The following EPRS1 variants were observed in gnomAD, a reference collection of about 807,000 sequenced individuals.
The protein encoded by EPRS1 is bifunctional glutamate/proline--tRNA ligase.
A neutral mutation model predicts 188.3 loss-of-function variants in EPRS1; 107 were observed. The observed-to-expected ratio is 0.57, with a 90% confidence interval of 0.49 to 0.67. EPRS1 has a LOEUF of 0.67. Among genes scored for constraint, EPRS1 ranks in the 30% least tolerant of loss-of-function variants. The pLI is 0.00. For missense variants in EPRS1, 1,577 were observed against 1,802.2 expected (o/e 0.88, Z 2.26); for synonymous variants, 596 against 593.1 (o/e 1.00, Z -0.07).
At chr1:219,976,797 TGGA>T (rs1660790584) in intron 28 of EPRS1, among the ~76,000 whole-genome samples, 1 of 152,156 alleles carries the variant, frequency 6.6e-6, no homozygotes, top group African/African-American at 2.4e-5. Flanking sequence ...AGCCAAATCA[TGGA>T]GGAGGCAAAT....
intron 2 of EPRS1, among the ~76,000 whole-genome samples, chr1:220,037,505 CA>C (rs766349279): frequency 0.054 from 2,800 of 52,310 alleles, 20 homozygotes; most frequent in East Asian, 0.13. Context: ...ACTCCATCTC[CA>C]AAAAAAAAAA....
intron 12 of EPRS1, chr1:220,018,133 C>G: frequency 7.4e-7 from 1 of 1,342,720 alleles, no homozygotes; most frequent in Non-Finnish European, 9.8e-7. Flanking sequence ...TACCTTCTTA[C>G]AGAGAGCTCG....
intron 28 of EPRS1, 131 bp from the exon 29 acceptor site, chr1:219,973,529 G>GTC: frequency 4.5e-6 from 1 of 220,900 alleles, no homozygotes; most frequent in Non-Finnish European, 7.1e-6. Flanking sequence ...AAAAAAACAA[G>GTC]AGAAAAAAAA....
intron 6 of EPRS1, among the ~76,000 whole-genome samples, chr1:220,029,440 C>T (rs540004729): frequency 5.3e-5 from 8 of 152,204 alleles, no homozygotes; most frequent in African/African-American, 1.7e-4. Context: ...GTTAATGATG[C>T]TTATGAAATA....
At chr1:219,983,435 G>T in intron 21 of EPRS1, 37 bp from the exon 22 acceptor site, 1 of 1,473,004 alleles carries the variant, frequency 6.8e-7, no homozygotes, top group South Asian at 1.2e-5. Flanking sequence ...AGCTTACATT[G>T]AACCAAAATT....
chr1:220,006,206 A>G lies in EPRS1; in HGVS notation c.1850T>C (p.Leu617Pro). The G allele has an allele frequency of 2.5e-6, 4 of 1,606,712 alleles. No homozygotes were observed. Among genetic ancestry groups the G allele is most frequent in the Non-Finnish European group, 3.4e-6 (4 of 1,175,134 alleles). The stretch of plus-strand genomic sequence containing the variant: ...AGTGACACAGATTACTGGAATAGGA[A>G]GAGCATGTGTAGTCTCTGCAAGCCA... ...VTWLAETTHALPIPVICVTYE... is the reference protein window; with the variant it reads ...VTWLAETTHAPPIPVICVTYE... The change falls in exon 15 of 32, where the codon CTT becomes CCT. Residue 617 changes from leucine (L) to proline (P), a missense_variant. By Grantham distance (98) the Leu-to-Pro change is moderately conservative. Coordinates refer to ENST00000366923, the MANE Select transcript of EPRS1 (RefSeq NM_004446.3).
intron 6 of EPRS1, among the ~76,000 whole-genome samples, chr1:220,027,941 C>T (rs1044236437): frequency 6.6e-6 from 1 of 151,466 alleles, no homozygotes; most frequent in Non-Finnish European, 1.5e-5. Flanking sequence ...TAACAAAATC[C>T]CAAAAAAGGA....
At chr1:220,007,662 T>C (rs1031142422) in intron 13 of EPRS1, among the ~76,000 whole-genome samples, 6 of 152,236 alleles carry the variant, frequency 3.9e-5, no homozygotes, top group African/African-American at 1.4e-4. Flanking sequence ...ATGAGGTAGC[T>C]TGCCCCTAAG....
Position 220,046,470 on chromosome 1 carries a change from C to A in EPRS1, c.-82G>T, listed in dbSNP as rs1274843698. The stretch of plus-strand genomic sequence containing the variant: ...AGGACCCCGCGAAAGGAAGAAGATG[C>A]AACGTGTGCGCGTACCCGACGCCGC... On this transcript the variant is annotated 5_prime_UTR_variant, in exon 1 of 32. Transcript: ENST00000366923. The A allele has an allele frequency of 2.0e-5, 31 of 1,577,250 alleles. No homozygotes were observed. In the East Asian group the frequency reaches 2.3e-4, roughly 12 times the overall value.
At chr1:219,999,553 A>T (rs1372867123) in intron 17 of EPRS1, among the ~76,000 whole-genome samples, 1 of 152,184 alleles carries the variant, frequency 6.6e-6, no homozygotes. Context: ...ATGATAGTTA[A>T]GAAGTCTTAT....
In EPRS1 at chr1:220,024,432, A is replaced by T; in HGVS notation, c.775T>A (p.Leu259Met). Reference protein sequence around the residue: ...EKVILEDVAMLHIKPDQFTYT... With the variant: ...EKVILEDVAMMHIKPDQFTYT... ...GTAAATTGATCTGGTTTGATATGCAACATTGCAACATCTTCCAAGATAACC... is the reference window on the plus strand; with the variant it reads ...GTAAATTGATCTGGTTTGATATGCATCATTGCAACATCTTCCAAGATAACC... Residue 259 changes from leucine to methionine, a missense_variant, in exon 8 of 32, where the codon TTG becomes ATG. By Grantham distance (15) the Leu-to-Met change is conservative. Transcript: ENST00000366923. 6.2e-7 allele frequency: 1 copy of T among 1,600,542 alleles called. No homozygotes were observed. Among genetic ancestry groups the T allele is most frequent in the Admixed American group, 1.8e-5 (1 of 55,968 alleles).
At chr1:219,997,416 G>A in intron 17 of EPRS1, 74 bp from the exon 18 acceptor site, 20 of 1,295,742 alleles carry the variant, frequency 1.5e-5, no homozygotes, top group Non-Finnish European at 2.1e-5. Context: ...ATTTCAAACT[G>A]ATTGTTTTAT....
chr1:219,987,704 T>A (rs1661032714), intron 19 of EPRS1, among the ~76,000 whole-genome samples: 1 of 152,176 alleles, frequency 6.6e-6, no homozygotes. Flanking sequence ...ACACCAACTA[T>A]TGAAATTATA....
chr1:220,018,049 G>T, intron 12 of EPRS1: 2 of 776,028 alleles, frequency 2.6e-6, no homozygotes, highest in Non-Finnish European at 3.8e-6. Context: ...GTGCTTCAAA[G>T]CCATATAACA....
Position 220,046,335 on chromosome 1 carries a change from C to A in EPRS1, c.46+8G>T. 1 of 1,614,116 alleles carries A rather than the reference C, an allele frequency of 6.2e-7. No homozygotes were observed. ...AACCCACACAGGTCATTGGTCTCGG[C>A]CCCTTACCTAGCGGAGGGTCTCCTG... is the stretch of plus-strand genomic sequence containing the variant. On this transcript the variant is annotated splice_region_variant and intron_variant, in intron 1 of 31. Transcript: ENST00000366923.
chr1:220,002,525 G>T (rs1661379355), intron 16 of EPRS1, among the ~76,000 whole-genome samples: 1 of 151,986 alleles, frequency 6.6e-6, no homozygotes, highest in Non-Finnish European at 1.5e-5. Flanking sequence ...CACCTAATCT[G>T]CTTATAAGCA....
chr1:220,024,952 T>G (rs1468128726), intron 7 of EPRS1, 180 bp downstream of exon 7: 7 of 595,554 alleles, frequency 1.2e-5, no homozygotes, highest in Non-Finnish European at 1.8e-5. Flanking sequence ...AAAATAACTC[T>G]TAAGTTTTTT....
chr1:220,020,190 T>C lies in EPRS1; in HGVS notation c.1147A>G (p.Ile383Val), dbSNP rs1406718187. The change falls in exon 10 of 32, where the codon ATA (isoleucine) becomes GTA (valine). Residue 383 changes from isoleucine (I) to valine (V), a missense_variant. Around this residue, in one of 3 missense-constraint regions of EPRS1, gnomAD observed 1,278 missense variants for 1,457.4 expected, o/e 0.88. Transcript: ENST00000366923. ...GTAACACCTTCGATGCTGTCAACTA[T>C]GGGGCAGGCAAAATCATATGTTGGA... is the stretch of plus-strand genomic sequence containing the variant. ...VYPTYDFACPIVDSIEGVTHA... is the reference protein window; with the variant it reads ...VYPTYDFACPVVDSIEGVTHA... 1 of 1,613,562 alleles carries C rather than the reference T, an allele frequency of 6.2e-7. No individual in the cohort carries two copies. Among genetic ancestry groups the C allele is most frequent in the Non-Finnish European group, 8.5e-7 (1 of 1,179,696 alleles).
chr1:219,972,202 T>G lies in EPRS1; in HGVS notation c.4245-55A>C, dbSNP rs527889239. ...AATTGTTCTCACAAATATGACAAAG[T>G]TTTATGAAACACATAAGCACAATTT... On this transcript the variant is annotated intron_variant, in intron 29 of 31. Transcript: ENST00000366923. 30 of 1,169,252 alleles carry G rather than the reference T, an allele frequency of 2.6e-5. 1 individual carries two copies. In the South Asian group the frequency reaches 4.3e-4, roughly 17 times the overall value. The allele number at this position is 1,169,252 out of a possible 1,614,324, so 72.4% of individuals were successfully genotyped here.
Sources: gnomAD v4.1 joint callset for allele counts (sites outside exome capture counted in the v4.1 genomes callset) on GRCh38, gnomAD v4.1.1 for gene constraint, gnomAD v4.1.1 regional missense constraint, MANE v1.5 for transcripts, NCBI Gene and HGNC (gene_info 2026-07-23, HGNC 2026-07-21) for gene names.